ATRNL1: variants seen among roughly 807,000 people sequenced by gnomAD.
ATRNL1 encodes attractin like 1.
ATRNL1 carries 95 observed loss-of-function variants against 182.7 expected under a neutral mutation model. That is an observed-to-expected ratio of 0.52 (90% CI 0.44 to 0.62). ATRNL1 has a LOEUF of 0.62. Ranked by LOEUF, ATRNL1 falls within the 20% of genes least tolerant of loss-of-function variation. The pLI is 0.00. For missense variants in ATRNL1, 1,471 were observed against 1,679.5 expected, an observed-to-expected ratio of 0.88 and a Z score of 2.17; for synonymous variants, 576 against 568.3, an observed-to-expected ratio of 1.01 and a Z score of -0.19.
At chr10:115,808,499 G>C (rs1555086148) in intron 27 of ATRNL1, among the ~76,000 whole-genome samples, 1 of 152,078 alleles carries the variant, frequency 6.6e-6, no homozygotes, top group African/African-American at 2.4e-5. Context: ...GTGTTTATAG[G>C]TCTTCTTGTA....
rs782567917 is a variant in ATRNL1, at chr10:115,215,876, A to T, written c.1528A>T (p.Thr510Ser). The T allele has an allele frequency of 1.9e-6, 3 of 1,545,262 alleles. No individual in the cohort carries two copies. In the East Asian group the frequency reaches 7.2e-5, roughly 37 times the overall value. Reference protein sequence around the residue: ...DLYKYEVNTKTWTILKESGFA... With the variant: ...DLYKYEVNTKSWTILKESGFA... ...TTATAAATATGAAGTTAACACTAAGACTTGGTGAGTACACAAAATAACACA... is the reference window on the plus strand; with the variant it reads ...TTATAAATATGAAGTTAACACTAAGTCTTGGTGAGTACACAAAATAACACA... The change falls in exon 9 of 29, where the codon ACT becomes TCT. Residue 510 changes from threonine (T) to serine (S), a missense_variant. Thr to Ser is a moderately conservative substitution (Grantham distance 58). Transcript: ENST00000355044.
At chr10:115,796,961 T>C (rs994637567) in intron 27 of ATRNL1, among the ~76,000 whole-genome samples, 1 of 152,216 alleles carries the variant, frequency 6.6e-6, no homozygotes, top group Non-Finnish European at 1.5e-5. Flanking sequence ...TTTCATAATA[T>C]AGGCAAGTGA....
At chr10:115,278,800 G>A (rs1554915729) in intron 13 of ATRNL1, among the ~76,000 whole-genome samples, 2 of 152,096 alleles carry the variant, frequency 1.3e-5, no homozygotes, top group East Asian at 3.9e-4. Context: ...TTCACAATTT[G>A]CAATGTCAAG....
At chr10:115,241,827 G>A in intron 10 of ATRNL1, 102 bp downstream of exon 10, 1 of 936,036 alleles carries the variant, frequency 1.1e-6, no homozygotes, top group Non-Finnish European at 1.6e-6. Context: ...TGTCATTTTA[G>A]AGTTAAGTGA....
In ATRNL1 at chr10:115,254,255, G is replaced by GT. The variant is rs782615519; in HGVS notation, c.1688-10937dup. ...GAACTAATTTACGCTTCCACCAACA[G>GT]TGTAAAAACATTCCTATTTCTCCGC... On this transcript the variant is annotated intron_variant, in intron 10 of 28. Coordinates refer to ENST00000355044, the MANE Select transcript of ATRNL1 (RefSeq NM_207303.4). 2.6e-5 allele frequency among the ~76,000 whole-genome samples: 4 copies of GT among 152,298 alleles called. No individual in the cohort carries two copies. In the East Asian group the frequency reaches 5.8e-4, roughly 22 times the overall value.
intron 26 of ATRNL1, among the ~76,000 whole-genome samples, chr10:115,552,777 C>T (rs1426330937): frequency 2.0e-5 from 3 of 151,158 alleles, no homozygotes; most frequent in African/African-American, 7.3e-5. Context: ...TTTGATATGA[C>T]CCCTTCATAC....
intron 19 of ATRNL1, among the ~76,000 whole-genome samples, chr10:115,357,281 C>T (rs1457130781): frequency 6.6e-6 from 1 of 151,844 alleles, no homozygotes; most frequent in Non-Finnish European, 1.5e-5. Context: ...TTATTTAGTA[C>T]AGTTCAGAAG....
intron 26 of ATRNL1, among the ~76,000 whole-genome samples, chr10:115,696,411 A>G (rs1555049803): frequency 1.3e-5 from 2 of 152,188 alleles, no homozygotes; most frequent in African/African-American, 4.8e-5. Flanking sequence ...CAGAGATTGC[A>G]GTGAGCCAAG....
intron 26 of ATRNL1, among the ~76,000 whole-genome samples, chr10:115,636,998 A>T (rs530521600): frequency 1.1e-3 from 161 of 152,216 alleles, no homozygotes; most frequent in Non-Finnish European, 2.0e-3. Context: ...AAAAAGAAGA[A>T]CCCCCAAGTA....
intron 19 of ATRNL1, among the ~76,000 whole-genome samples, chr10:115,336,988 G>T (rs1393700076): frequency 6.6e-6 from 1 of 150,494 alleles, no homozygotes; most frequent in Admixed American, 6.6e-5. Flanking sequence ...TGGGGGGGGG[G>T]GACTACAGGG....
chr10:115,808,427 T>C lies in ATRNL1; in HGVS notation c.3904-39450T>C, dbSNP rs1320723154. ...ATTTCATAATTCGTTCATTCATCAG[T>C]TTATGGACTTTTGGCTTGTTTCTAG... On this transcript the variant is annotated intron_variant, in intron 27 of 28. Transcript: ENST00000355044. 7.9e-5 allele frequency among the ~76,000 whole-genome samples: 12 copies of C among 152,248 alleles called. No individual in the cohort carries two copies. The East Asian group carries it at 2.3e-3, about 29-fold the overall frequency.
At chr10:115,604,708 TGACTCAC>T (rs1856785599) in intron 26 of ATRNL1, among the ~76,000 whole-genome samples, 1 of 152,154 alleles carries the variant, frequency 6.6e-6, no homozygotes, top group Non-Finnish European at 1.5e-5. Flanking sequence ...GGCCAATTTT[TGACTCAC>T]TTTATTTGTT....
chr10:115,757,742 C>T (rs1434479829), intron 27 of ATRNL1, among the ~76,000 whole-genome samples: 1 of 152,090 alleles, frequency 6.6e-6, no homozygotes, highest in Admixed American at 6.6e-5. Flanking sequence ...TGGATAATAT[C>T]CTGAAGAGTG....
chr10:115,487,281 G>C (rs1554975404), intron 24 of ATRNL1, among the ~76,000 whole-genome samples: 1 of 152,112 alleles, frequency 6.6e-6, no homozygotes, highest in Non-Finnish European at 1.5e-5. Context: ...TGTGAAGAAA[G>C]TCAATGGTAG....
intron 27 of ATRNL1, among the ~76,000 whole-genome samples, chr10:115,837,183 A>T (rs1435935839): frequency 2.6e-5 from 4 of 152,118 alleles, no homozygotes; most frequent in Non-Finnish European, 5.9e-5. Flanking sequence ...AATATTAGAT[A>T]ATTTGAGGAA....
At chr10:115,444,043 C>T (rs1846837680) in intron 21 of ATRNL1, among the ~76,000 whole-genome samples, 1 of 151,920 alleles carries the variant, frequency 6.6e-6, no homozygotes, top group South Asian at 2.1e-4. Context: ...GAAAGAATAT[C>T]AAAGATCTGA....
At chr10:115,172,094 C>T (rs1287493765) in intron 8 of ATRNL1, among the ~76,000 whole-genome samples, 1 of 151,994 alleles carries the variant, frequency 6.6e-6, no homozygotes, top group Non-Finnish European at 1.5e-5. Context: ...TGCAGACCAC[C>T]ATTAGCAAGA....
intron 7 of ATRNL1, among the ~76,000 whole-genome samples, chr10:115,165,881 C>G (rs1188934969): frequency 6.6e-6 from 1 of 151,994 alleles, no homozygotes; most frequent in East Asian, 1.9e-4. Flanking sequence ...CTATTTATGC[C>G]TAGTCAATCA....
At chr10:115,885,158 TA>T (rs1265203356) in intron 28 of ATRNL1, among the ~76,000 whole-genome samples, 1 of 152,246 alleles carries the variant, frequency 6.6e-6, no homozygotes, top group Non-Finnish European at 1.5e-5. Context: ...ACTGTGTAAG[TA>T]GAGAGTACTT....
Sources: gnomAD v4.1 joint callset for allele counts (sites outside exome capture counted in the v4.1 genomes callset) on GRCh38, gnomAD v4.1.1 for gene constraint, MANE v1.5 for transcripts, NCBI Gene and HGNC (gene_info 2026-07-23, HGNC 2026-07-21) for gene names.